SYNPO2: variants seen among roughly 807,000 people sequenced by gnomAD.
The protein encoded by SYNPO2 is synaptopodin-2.
A neutral mutation model predicts 85.0 loss-of-function variants in SYNPO2; 56 were observed. That is an observed-to-expected ratio of 0.66 (90% CI 0.53 to 0.82). The LOEUF (loss-of-function observed/expected upper bound fraction) is 0.82, where lower values mean the gene tolerates loss of function less well. Among genes scored for constraint, SYNPO2 ranks in the 40% least tolerant of loss-of-function variants. The probability of loss-of-function intolerance (pLI) is 0.00; values close to 1 mark genes in which losing one functional copy is unlikely to be tolerated. For missense variants in SYNPO2, 1,575 were observed against 1,534.2 expected, an observed-to-expected ratio of 1.03 and a Z score of -0.44; for synonymous variants, 602 against 591.1, an observed-to-expected ratio of 1.02 and a Z score of -0.27.
chr4:118,982,725 A>G (rs989879344), intron 1 of SYNPO2, among the ~76,000 whole-genome samples: 2 of 152,214 alleles, frequency 1.3e-5, no homozygotes, highest in East Asian at 3.9e-4. Flanking sequence ...CACTGCATAC[A>G]TACCTAAATA....
intron 1 of SYNPO2, among the ~76,000 whole-genome samples, chr4:118,988,674 T>C (rs140820071): frequency 1.1e-3 from 171 of 152,330 alleles, no homozygotes; most frequent in African/African-American, 3.9e-3. Context: ...TTGGGAGGAA[T>C]TCAATTGACA....
At chr4:118,892,529 A>C (rs918512451) in intron 1 of SYNPO2, among the ~76,000 whole-genome samples, 11 of 152,176 alleles carry the variant, frequency 7.2e-5, no homozygotes, top group African/African-American at 2.7e-4. Flanking sequence ...CTTTTGGGAC[A>C]TGTACTTATC....
chr4:118,869,495 C>T (rs10034941), intron 1 of SYNPO2, among the ~76,000 whole-genome samples: 84,317 of 152,110 alleles, frequency 0.55, 26,661 homozygotes, highest in Admixed American at 0.69. Context: ...TTCCATTTAA[C>T]TGAATTTGAT....
At chr4:119,013,504 A>G (rs1331151009) in intron 1 of SYNPO2, among the ~76,000 whole-genome samples, 1 of 152,212 alleles carries the variant, frequency 6.6e-6, no homozygotes, top group Non-Finnish European at 1.5e-5. Context: ...GACAGACAAA[A>G]TATGGTTATT....
chr4:119,044,969 T>C (rs1214379355), intron 4 of SYNPO2, among the ~76,000 whole-genome samples: 1 of 152,232 alleles, frequency 6.6e-6, no homozygotes, highest in East Asian at 1.9e-4. Flanking sequence ...TTAGAAGTCG[T>C]GACAGAGGAT....
Position 118,989,227 on chromosome 4 carries a change from C to T in SYNPO2, c.106-34203C>T, listed in dbSNP as rs1006027766. On this transcript the variant is annotated intron_variant, in intron 1 of 4. Transcript: ENST00000307142. Reference sequence around the variant, plus strand: ...AGAAGACCCTGAATACATTTGAAAGCATCAGGCCCTGGCTCATGATTATGC... The same window carrying T: ...AGAAGACCCTGAATACATTTGAAAGTATCAGGCCCTGGCTCATGATTATGC... Among the ~76,000 whole-genome samples, 5 of 152,312 alleles carry T rather than the reference C, an allele frequency of 3.3e-5. No individual in the cohort carries two copies. The South Asian group carries it at 6.2e-4, about 19-fold the overall frequency.
intron 1 of SYNPO2, among the ~76,000 whole-genome samples, chr4:118,895,500 G>A (rs1027722698): frequency 2.6e-5 from 4 of 152,080 alleles, no homozygotes; most frequent in African/African-American, 7.2e-5. Context: ...GGTTTCTTCC[G>A]GGAGAGCTAG....
At chr4:118,954,139 T>C (rs907686933) in intron 1 of SYNPO2, among the ~76,000 whole-genome samples, 1 of 152,098 alleles carries the variant, frequency 6.6e-6, no homozygotes, top group Non-Finnish European at 1.5e-5. Flanking sequence ...ACAGTTATTA[T>C]ATTACAAAGC....
chr4:118,984,004 G>GGAT (rs1480790664), intron 1 of SYNPO2, among the ~76,000 whole-genome samples: 1 of 152,132 alleles, frequency 6.6e-6, no homozygotes, highest in Non-Finnish European at 1.5e-5. Context: ...GGGGAGCAGA[G>GGAT]GATTATGAAA....
intron 1 of SYNPO2, among the ~76,000 whole-genome samples, chr4:118,950,315 A>G (rs1734653375): frequency 6.6e-6 from 1 of 152,204 alleles, no homozygotes; most frequent in South Asian, 2.1e-4. Flanking sequence ...ACAGATCAGG[A>G]GATAATTACC....
intron 4 of SYNPO2, among the ~76,000 whole-genome samples, chr4:119,053,641 C>A (rs191749551): frequency 1.1e-4 from 16 of 152,294 alleles, no homozygotes; most frequent in Admixed American, 7.2e-4. Flanking sequence ...CCTGCATATT[C>A]ATCTCTTTGT....
intron 1 of SYNPO2, among the ~76,000 whole-genome samples, chr4:118,881,520 G>A (rs1353242437): frequency 1.3e-5 from 2 of 152,132 alleles, no homozygotes; most frequent in Non-Finnish European, 2.9e-5. Flanking sequence ...GTTTGTTATG[G>A]AGCCCTAGCA....
At chr4:119,037,170 A>G in intron 4 of SYNPO2, 2 of 1,546,144 alleles carry the variant, frequency 1.3e-6, no homozygotes, top group African/African-American at 1.4e-5. Flanking sequence ...TTCCCAGCCT[A>G]CCTTTCTTCC....
chr4:118,859,382 C>T (rs915156441), intron 1 of SYNPO2, among the ~76,000 whole-genome samples: 1 of 151,926 alleles, frequency 6.6e-6, no homozygotes, highest in Non-Finnish European at 1.5e-5. Context: ...AATGGGGTAT[C>T]TCTCACCTCA....
At chr4:118,998,865 CCT>C (rs1057163877) in intron 1 of SYNPO2, among the ~76,000 whole-genome samples, 29 of 152,128 alleles carry the variant, frequency 1.9e-4, no homozygotes, top group African/African-American at 6.3e-4. Context: ...TCCCTCCCTC[CCT>C]CTCTCTCTTA....
At chr4:118,852,247 A>C (rs1187891519) in intron 1 of SYNPO2, among the ~76,000 whole-genome samples, 1 of 152,194 alleles carries the variant, frequency 6.6e-6, no homozygotes, top group Non-Finnish European at 1.5e-5. Flanking sequence ...GTGGAGAAAA[A>C]GGAACGTTTA....
intron 4 of SYNPO2, chr4:119,032,369 A>C (rs1238221954): frequency 8.2e-7 from 1 of 1,216,890 alleles, no homozygotes; most frequent in Non-Finnish European, 1.0e-6. Context: ...GATCAGTGAT[A>C]TCAAACATCA....
intron 1 of SYNPO2, among the ~76,000 whole-genome samples, chr4:118,986,148 C>A (rs1395664846): frequency 2.0e-5 from 3 of 152,202 alleles, no homozygotes; most frequent in Non-Finnish European, 4.4e-5. Flanking sequence ...AATTTTAAAT[C>A]CTTTTATAGG....
At chr4:119,007,482 G>A (rs1274684458) in intron 1 of SYNPO2, among the ~76,000 whole-genome samples, 1 of 150,530 alleles carries the variant, frequency 6.6e-6, no homozygotes, top group Non-Finnish European at 1.5e-5. Context: ...AGCACATAAA[G>A]TACTTACTTA....
Sources: gnomAD v4.1 joint callset for allele counts (sites outside exome capture counted in the v4.1 genomes callset) on GRCh38, gnomAD v4.1.1 for gene constraint, MANE v1.5 for transcripts, NCBI Gene and HGNC (gene_info 2026-07-23, HGNC 2026-07-21) for gene names.